Variants in CAPN3 observed in about 807,000 individuals in gnomAD.
CAPN3 encodes calpain 3.
CAPN3 carries 88 observed loss-of-function variants against 114.0 expected under a neutral mutation model. The ratio of observed to expected loss-of-function variants is 0.77; its 90% CI spans 0.65 to 0.92. CAPN3 has a LOEUF of 0.92. CAPN3 is among the 40% of genes least tolerant of loss of function. CAPN3 has a pLI of 0.00. For missense variants in CAPN3, 1,028 were observed against 1,069.0 expected (o/e 0.96, Z 0.53); for synonymous variants, 386 against 382.9 (o/e 1.01, Z -0.09).
Position 42,409,350 on chromosome 15 carries a change from C to T in CAPN3, c.1962C>T (p.Phe654=), listed in dbSNP as rs770394924. The change falls in exon 17 of 24, where the codon TTC becomes TTT. Residue 654 remains phenylalanine, a synonymous_variant. Coordinates refer to ENST00000397163, the MANE Select transcript of CAPN3 (RefSeq NM_000070.3). ...AGGAAAGTGAGGAACAGCAACAATT[C>T]CGGAACATTTTCAAGCAGATAGCAG... ...SDQESEEQQQ[F]RNIFKQIAGD... is the part of the protein sequence containing the mutation. 6.2e-7 allele frequency: 1 copy of T among 1,614,194 alleles called. No homozygotes were observed. The highest frequency in any genetic ancestry group is 8.5e-7 in the Non-Finnish European group (1 of 1,180,020).
chr15:42,366,322 C>T (rs1184834040), intron 1 of CAPN3, among the ~76,000 whole-genome samples: 3 of 152,188 alleles, frequency 2.0e-5, no homozygotes, highest in African/African-American at 4.8e-5. Context: ...GACCCAGCCA[C>T]ACCGGCTGGT....
chr15:42,403,134 AC>A, intron 13 of CAPN3, 132 bp downstream of exon 13: 1 of 732,836 alleles, frequency 1.4e-6, no homozygotes, highest in Admixed American at 2.0e-5. Context: ...TGGCCACATT[AC>A]CCCCATTCAT....
intron 6 of CAPN3, among the ~76,000 whole-genome samples, chr15:42,390,816 A>G (rs903822051): frequency 6.8e-6 from 1 of 146,576 alleles, no homozygotes; most frequent in Non-Finnish European, 1.5e-5. Context: ...TTGGAAACCA[A>G]GTCTTGCTCT....
intron 12 of CAPN3, 188 bp from the exon 13 acceptor site, chr15:42,402,606 A>T: frequency 6.6e-7 from 1 of 1,513,976 alleles, no homozygotes; most frequent in Non-Finnish European, 8.8e-7. Context: ...TTCACTCTGA[A>T]TCACAACAGA....
chr15:42,390,408 A>G (rs981557882), intron 6 of CAPN3, among the ~76,000 whole-genome samples: 1 of 152,322 alleles, frequency 6.6e-6, no homozygotes, highest in Middle Eastern at 3.4e-3. Context: ...TTCCTCTTCT[A>G]ATGTATTCAT....
At chr15:42,394,507 G>T (rs1345054921) in intron 8 of CAPN3, among the ~76,000 whole-genome samples, 166 bp downstream of exon 8, 1 of 152,144 alleles carries the variant, frequency 6.6e-6, no homozygotes, top group African/African-American at 2.4e-5. Flanking sequence ...TCCAGGGAAG[G>T]GCCAGGAGTG....
chr15:42,393,581 G>GTCTT (rs1023104504), intron 7 of CAPN3, among the ~76,000 whole-genome samples: 5 of 147,630 alleles, frequency 3.4e-5, no homozygotes, highest in East Asian at 4.0e-4. Context: ...GGGGCCTTTT[G>GTCTT]TCTTTCTTTC....
intron 19 of CAPN3, 42 bp downstream of exon 19, chr15:42,410,037 C>T (rs2054160691): frequency 6.3e-7 from 1 of 1,582,560 alleles, no homozygotes; most frequent in African/African-American, 1.3e-5. Context: ...TGTCATCAGC[C>T]CACGGGGGCC....
chr15:42,395,127 A>G (rs2053656342), intron 8 of CAPN3, among the ~76,000 whole-genome samples: 1 of 152,202 alleles, frequency 6.6e-6, no homozygotes, highest in Non-Finnish European at 1.5e-5. Context: ...TGGTTCGTTC[A>G]GTCATTCGTT....
At chr15:42,370,656 A>G (rs1312072260) in intron 1 of CAPN3, among the ~76,000 whole-genome samples, 1 of 152,068 alleles carries the variant, frequency 6.6e-6, no homozygotes. Flanking sequence ...GTTAGAACCA[A>G]ACAGACCCGG....
intron 3 of CAPN3, among the ~76,000 whole-genome samples, chr15:42,386,677 C>A (rs1459163390): frequency 6.6e-6 from 1 of 152,150 alleles, no homozygotes; most frequent in Admixed American, 6.5e-5. Flanking sequence ...TATACTTCTT[C>A]CTCTCTAAGG....
chr15:42,403,445 T>C (rs964677895), intron 13 of CAPN3, among the ~76,000 whole-genome samples: 8 of 152,098 alleles, frequency 5.3e-5, no homozygotes, highest in African/African-American at 1.9e-4. Context: ...GATGAGCTCA[T>C]AGCCCCTGCC....
chr15:42,390,004 G>A lies in CAPN3; in HGVS notation c.853G>A (p.Glu285Lys). 4 of 1,614,070 alleles carry A rather than the reference G, an allele frequency of 2.5e-6. No homozygotes were observed. The highest frequency in any genetic ancestry group is 3.4e-6 in the Non-Finnish European group (4 of 1,180,020). Residue 285 changes from glutamate (E) to lysine (K), a missense_variant, in exon 6 of 24, where the codon GAG (glutamate) becomes AAG (lysine). By Grantham distance (56) the Glu-to-Lys change is moderately conservative (BLOSUM62 1). Transcript: ENST00000397163. ...CTCTCCTTCTGGTCTGAACATGGGG[G>A]AGTTGATTGCACGGATGGTAAGGAA... ...GTSPSGLNMG[E>K]LIARMVRNMD...
At chr15:42,400,237 C>T (rs912535031) in intron 10 of CAPN3, among the ~76,000 whole-genome samples, 1 of 152,142 alleles carries the variant, frequency 6.6e-6, no homozygotes, top group African/African-American at 2.4e-5. Flanking sequence ...GTGTCAGTAA[C>T]AGTAAGGGCA....
intron 1 of CAPN3, among the ~76,000 whole-genome samples, chr15:42,375,470 C>T (rs2053066322): frequency 1.3e-5 from 2 of 151,526 alleles, no homozygotes; most frequent in Non-Finnish European, 1.5e-5. Flanking sequence ...GAGTGTGTAG[C>T]ACAAGGCCCT....
rs1426317629 is a variant in CAPN3, at chr15:42,386,203, C to G, written c.416C>G (p.Thr139Ser). 6.2e-7 allele frequency: 1 copy of G among 1,614,034 alleles called. No homozygotes were observed. The highest frequency in any genetic ancestry group is 8.5e-7 in the Non-Finnish European group (1 of 1,180,004). ...CWFLAAIACL[T>S]LNQHLLFRVI... ...TTTCTCGCAGCCATTGCCTGCCTGA[C>G]CCTGAACCAGCACCTTCTTTTCCGA... Residue 139 changes from threonine (T) to serine (S), a missense_variant, in exon 3 of 24, where the codon ACC becomes AGC. Coordinates refer to ENST00000397163, the MANE Select transcript of CAPN3 (RefSeq NM_000070.3).
intron 1 of CAPN3, among the ~76,000 whole-genome samples, chr15:42,367,080 C>A (rs1408712387): frequency 6.6e-6 from 1 of 152,152 alleles, no homozygotes; most frequent in Non-Finnish European, 1.5e-5. Flanking sequence ...TGATCCACCG[C>A]CTCAGCCTCC....
intron 1 of CAPN3, among the ~76,000 whole-genome samples, chr15:42,374,741 G>GA (rs2053040987): frequency 1.3e-5 from 2 of 150,178 alleles, no homozygotes; most frequent in African/African-American, 4.9e-5. Context: ...ATGGGTCCCT[G>GA]AAATCGTAAA....
chr15:42,360,029 A>T lies in CAPN3; in HGVS notation c.224A>T (p.Tyr75Phe). 2 of 1,614,246 alleles carry T rather than the reference A, an allele frequency of 1.2e-6. No homozygotes were observed. Among genetic ancestry groups the T allele is most frequent in the Non-Finnish European group, 1.7e-6 (2 of 1,180,028 alleles). The change falls in exon 1 of 24, where the codon TAT becomes TTT. Residue 75 changes from tyrosine (Y) to phenylalanine (F), a missense_variant. Coordinates refer to ENST00000397163, the MANE Select transcript of CAPN3 (RefSeq NM_000070.3). Reference sequence around the variant, plus strand: ...AAATGTCTAGAAAAGAAAGTTCTTTATGTGGACCCTGAGTTCCCACCGGAT... The same window carrying T: ...AAATGTCTAGAAAAGAAAGTTCTTTTTGTGGACCCTGAGTTCCCACCGGAT... Reference protein sequence around the residue: ...HKKCLEKKVLYVDPEFPPDET... With the variant: ...HKKCLEKKVLFVDPEFPPDET...
Sources: gnomAD v4.1 joint callset for allele counts (sites outside exome capture counted in the v4.1 genomes callset) on GRCh38, gnomAD v4.1.1 for gene constraint, MANE v1.5 for transcripts, NCBI Gene and HGNC (gene_info 2026-07-23, HGNC 2026-07-21) for gene names.